The following ZNF704 variants were observed in gnomAD, a reference collection of about 807,000 sequenced individuals.
ZNF704 encodes the protein zinc finger protein 704.
A neutral mutation model predicts 44.7 loss-of-function variants in ZNF704; 10 were observed. That is an observed-to-expected ratio of 0.22 (90% CI 0.14 to 0.38). The LOEUF (loss-of-function observed/expected upper bound fraction) is 0.38, where lower values mean the gene tolerates loss of function less well. Among genes scored for constraint, ZNF704 ranks in the 10% least tolerant of loss-of-function variants. ZNF704 has a pLI of 1.00. For missense variants in ZNF704, 390 were observed against 545.5 expected, an observed-to-expected ratio of 0.71 and a Z score of 2.84; for synonymous variants, 211 against 207.6, an observed-to-expected ratio of 1.02 and a Z score of -0.14.
At chr8:80,820,544 A>G (rs1808251861) in intron 2 of ZNF704, among the ~76,000 whole-genome samples, 1 of 151,938 alleles carries the variant, frequency 6.6e-6, no homozygotes, top group Admixed American at 6.6e-5. Context: ...TTTCTTTTAC[A>G]TATTTTAGAC....
At chr8:80,725,466 G>C (rs1210140554) in intron 2 of ZNF704, among the ~76,000 whole-genome samples, 1 of 152,072 alleles carries the variant, frequency 6.6e-6, no homozygotes, top group African/African-American at 2.4e-5. Flanking sequence ...ATGGAATTAA[G>C]AACAAGAAGA....
chr8:80,871,463 C>T (rs373970884), intron 1 of ZNF704, among the ~76,000 whole-genome samples: 3 of 152,300 alleles, frequency 2.0e-5, no homozygotes, highest in East Asian at 3.9e-4. Context: ...GAGATCTCAC[C>T]CACAGTAGCT....
intron 2 of ZNF704, among the ~76,000 whole-genome samples, chr8:80,745,145 G>A (rs556964322): frequency 5.9e-5 from 9 of 152,220 alleles, no homozygotes; most frequent in Middle Eastern, 3.4e-3. Context: ...TAGTTTCGCT[G>A]TAAATATAGG....
chr8:80,804,469 A>G (rs1469717777), intron 2 of ZNF704, among the ~76,000 whole-genome samples: 1 of 152,246 alleles, frequency 6.6e-6, no homozygotes, highest in Non-Finnish European at 1.5e-5. Context: ...TGTGATACAT[A>G]TATACCATGG....
intron 2 of ZNF704, among the ~76,000 whole-genome samples, chr8:80,697,010 G>A (rs768374782): frequency 6.6e-6 from 1 of 152,204 alleles, no homozygotes; most frequent in Non-Finnish European, 1.5e-5. Context: ...TACTCAATCT[G>A]TAACAGAAGT....
intron 2 of ZNF704, among the ~76,000 whole-genome samples, chr8:80,770,580 CTT>C (rs1205353207): frequency 3.9e-5 from 6 of 152,074 alleles, no homozygotes; most frequent in Admixed American, 2.6e-4. Context: ...TTTTGAAAAA[CTT>C]TATATATTCT....
At chr8:80,881,198 A>G in the ZNF704 span, among the ~76,000 whole-genome samples, 1 of 152,382 alleles carries the variant, frequency 6.6e-6, no homozygotes, top group East Asian at 1.9e-4. Flanking sequence ...CTAGTGGCAC[A>G]AAGGAATACA....
upstream of ZNF704, among the ~76,000 whole-genome samples, chr8:80,878,309 G>GAAGA (rs1203518486): frequency 2.1e-5 from 3 of 142,128 alleles, no homozygotes; most frequent in Admixed American, 7.1e-5. Context: ...AGGAAGGAAG[G>GAAGA]AAGAAAATCA....
At chr8:80,666,375 T>C (rs1332782079) in intron 5 of ZNF704, among the ~76,000 whole-genome samples, 1 of 152,036 alleles carries the variant, frequency 6.6e-6, no homozygotes, top group South Asian at 2.1e-4. Context: ...TGTTGGACAT[T>C]TGGGTTTATT....
intron 1 of ZNF704, among the ~76,000 whole-genome samples, chr8:80,849,188 G>A (rs1046392069): frequency 6.6e-6 from 1 of 152,114 alleles, no homozygotes; most frequent in African/African-American, 2.4e-5. Context: ...AAATTCTACT[G>A]CAACATCTCA....
rs1053718510 is a variant in ZNF704 at position 80,751,410 on chromosome 8, G to A, written c.222-58303C>T. ...TGGACACTAACAACTGTCTCTTGAC[G>A]GAACAATGTTTAATTTTCAGTCAAA... On this transcript the variant is annotated intron_variant, in intron 2 of 8. Transcript: ENST00000327835. Among the ~76,000 whole-genome samples, 5 of 152,118 alleles carry A rather than the reference G, an allele frequency of 3.3e-5. No individual in the cohort carries two copies. The East Asian group carries it at 7.7e-4, about 23-fold the overall frequency.
intron 2 of ZNF704, among the ~76,000 whole-genome samples, chr8:80,759,842 A>G (rs1389114313): frequency 6.6e-6 from 1 of 151,856 alleles, no homozygotes; most frequent in Non-Finnish European, 1.5e-5. Context: ...TGCAGCCTCA[A>G]CCTCCTGGTT....
chr8:80,758,520 T>G (rs115366687), intron 2 of ZNF704, among the ~76,000 whole-genome samples: 65 of 152,102 alleles, frequency 4.3e-4, no homozygotes, highest in African/African-American at 1.4e-3. Flanking sequence ...TAACTCAGTT[T>G]CAAATATTAG....
intron 2 of ZNF704, among the ~76,000 whole-genome samples, chr8:80,716,217 C>T (rs952870654): frequency 2.6e-5 from 4 of 152,162 alleles, no homozygotes; most frequent in Non-Finnish European, 2.9e-5. Context: ...ATAGACACCA[C>T]GTACAGGAGC....
intron 2 of ZNF704, among the ~76,000 whole-genome samples, chr8:80,783,349 C>T (rs1384366339): frequency 2.0e-5 from 3 of 152,118 alleles, no homozygotes; most frequent in Non-Finnish European, 4.4e-5. Flanking sequence ...TTAAGTTCAG[C>T]GGTACCTGTG....
At chr8:80,873,169 TCTCA>T (rs1809283978) in intron 1 of ZNF704, among the ~76,000 whole-genome samples, 1 of 152,002 alleles carries the variant, frequency 6.6e-6, no homozygotes, top group Admixed American at 6.5e-5. Context: ...GAGAATAAAA[TCTCA>T]CTCTCCCCTG....
chr8:80,848,264 T>C (rs1808799540), intron 1 of ZNF704, among the ~76,000 whole-genome samples: 1 of 152,190 alleles, frequency 6.6e-6, no homozygotes, highest in East Asian at 1.9e-4. Context: ...AGGCTGTGGC[T>C]ATATAAGGGC....
At chr8:80,824,989 A>G (rs1223113478) in intron 1 of ZNF704, among the ~76,000 whole-genome samples, 4 of 152,224 alleles carry the variant, frequency 2.6e-5, no homozygotes, top group South Asian at 2.1e-4. Context: ...TGTAAAGACC[A>G]TCGAGGCTAG....
chr8:80,643,044 A>T lies in ZNF704; in HGVS notation c.1118T>A (p.Val373Asp). ...TVLSSPPRGT[V>D]SLRKPRGEGK... The stretch of plus-strand genomic sequence containing the variant: ...TTTTAAGCTGTCGTACCTTAAGCTG[A>T]CTGTGCCTCTGGGTGGGGAGGACAG... The change falls in exon 8 of 9, where the codon GTC becomes GAC. Residue 373 changes from valine to aspartate, a missense_variant. Physicochemically the swap from Val to Asp is radical, Grantham distance 152 (BLOSUM62 -3). This residue lies in a region of ZNF704 where 305 missense variants were observed against 435.7 expected (regional missense o/e 0.70). Transcript: ENST00000327835. The T allele has an allele frequency of 6.3e-7, 1 of 1,586,594 alleles. No homozygotes were observed. The highest frequency in any genetic ancestry group is 8.6e-7 in the Non-Finnish European group (1 of 1,165,350).
Sources: allele counts gnomAD v4.1 joint callset (sites outside exome capture counted in the v4.1 genomes callset), GRCh38; gene constraint gnomAD v4.1.1; regional missense constraint gnomAD v4.1.1; transcripts MANE v1.5; gene names NCBI Gene and HGNC (gene_info 2026-07-23, HGNC 2026-07-21).